The following NTF3 variants were observed in gnomAD, a reference collection of about 807,000 sequenced individuals.
NTF3 encodes neurotrophin-3.
In NTF3, 8 loss-of-function variants were observed where a neutral mutation model predicts 26.3. The ratio of observed to expected loss-of-function variants is 0.30; its 90% CI spans 0.18 to 0.55. NTF3 has a LOEUF of 0.55. NTF3 is among the 20% of genes least tolerant of loss of function. The pLI, the probability that NTF3 is intolerant of heterozygous loss-of-function variation, is 0.93. For missense variants in NTF3, 276 were observed against 352.9 expected (o/e 0.78, Z 1.75); for synonymous variants, 154 against 145.5 (o/e 1.06, Z -0.42).
chr12:5,449,766 A>G (rs1940350630), intron 1 of NTF3, among the ~76,000 whole-genome samples: 1 of 152,254 alleles, frequency 6.6e-6, no homozygotes, highest in African/African-American at 2.4e-5. Flanking sequence ...AAACCCCAGG[A>G]TAATCCATCT....
At chr12:5,464,171 C>T (rs532542729) in intron 1 of NTF3, among the ~76,000 whole-genome samples, 1 of 152,272 alleles carries the variant, frequency 6.6e-6, no homozygotes, top group South Asian at 2.1e-4. Context: ...TATTGCAGGA[C>T]CACCAACTTG....
At chr12:5,463,236 T>C (rs1211327533) in intron 1 of NTF3, among the ~76,000 whole-genome samples, 1 of 152,204 alleles carries the variant, frequency 6.6e-6, no homozygotes, top group African/African-American at 2.4e-5. Context: ...CATCCTGAGA[T>C]ACTAGTGACT....
chr12:5,445,494 C>T (rs1940294435), intron 1 of NTF3, among the ~76,000 whole-genome samples: 1 of 152,118 alleles, frequency 6.6e-6, no homozygotes. Flanking sequence ...GGCATGCCAT[C>T]CAGTTGCTTG....
At chr12:5,472,962 G>A (rs1940682981) in intron 1 of NTF3, among the ~76,000 whole-genome samples, 1 of 152,092 alleles carries the variant, frequency 6.6e-6, no homozygotes, top group South Asian at 2.1e-4. Flanking sequence ...TTTGGGCCAG[G>A]AGAGCACTTT....
chr12:5,476,535 A>T (rs1940726844), intron 1 of NTF3, among the ~76,000 whole-genome samples: 1 of 152,160 alleles, frequency 6.6e-6, no homozygotes, highest in South Asian at 2.1e-4. Context: ...CTGCTGGGAG[A>T]ATAGATGTAT....
At chr12:5,493,713 G>A (rs1042951768) in intron 1 of NTF3, among the ~76,000 whole-genome samples, 23 of 152,180 alleles carry the variant, frequency 1.5e-4, no homozygotes, top group African/African-American at 4.6e-4. Context: ...CTCAGCCTCA[G>A]TGTGTTCCAG....
intron 1 of NTF3, among the ~76,000 whole-genome samples, chr12:5,488,293 G>A (rs1224115856): frequency 1.3e-5 from 2 of 152,216 alleles, no homozygotes; most frequent in African/African-American, 4.8e-5. Flanking sequence ...CCCCACGGGT[G>A]CTTCAGCCTA....
intron 1 of NTF3, among the ~76,000 whole-genome samples, chr12:5,442,169 G>A (rs1408262644): frequency 6.6e-6 from 1 of 152,180 alleles, no homozygotes; most frequent in African/African-American, 2.4e-5. Flanking sequence ...GGGAGAACAA[G>A]GGAAGCAAGG....
chr12:5,459,697 G>A (rs1213087892), intron 1 of NTF3, among the ~76,000 whole-genome samples: 2 of 152,252 alleles, frequency 1.3e-5, no homozygotes, highest in East Asian at 3.9e-4. Context: ...CTGTGGCTGT[G>A]GTTTCCCGGA....
intron 1 of NTF3, among the ~76,000 whole-genome samples, chr12:5,443,813 T>G (rs1398165946): frequency 6.6e-6 from 1 of 152,074 alleles, no homozygotes; most frequent in Non-Finnish European, 1.5e-5. Context: ...ACCTCCAGGG[T>G]GTTTATTGCA....
intron 1 of NTF3, among the ~76,000 whole-genome samples, chr12:5,440,340 T>C (rs1489767327): frequency 1.3e-5 from 2 of 152,192 alleles, no homozygotes; most frequent in East Asian, 3.9e-4. Flanking sequence ...TATATAGCCT[T>C]TTAAAAACTG....
At chr12:5,432,474 C>T in intron 1 of NTF3, 132 bp downstream of exon 1, 2 of 1,056,796 alleles carry the variant, frequency 1.9e-6, no homozygotes, top group Non-Finnish European at 2.8e-6. Flanking sequence ...GCGCCGCGCT[C>T]ACTCACTTTC....
chr12:5,490,956 C>T (rs1039066555), intron 1 of NTF3, among the ~76,000 whole-genome samples: 1 of 152,242 alleles, frequency 6.6e-6, no homozygotes, highest in Non-Finnish European at 1.5e-5. Context: ...GGCCATTCAG[C>T]TTCATGTTCT....
intron 1 of NTF3, among the ~76,000 whole-genome samples, chr12:5,449,793 T>G (rs1940351013): frequency 6.6e-6 from 1 of 152,222 alleles, no homozygotes; most frequent in African/African-American, 2.4e-5. Flanking sequence ...AGTCCTGCAT[T>G]TAGTCACTTA....
At chr12:5,481,316 TC>T (rs1165766897) in intron 1 of NTF3, among the ~76,000 whole-genome samples, 1 of 151,676 alleles carries the variant, frequency 6.6e-6, no homozygotes, top group Non-Finnish European at 1.5e-5. Flanking sequence ...TTTTGGCATC[TC>T]CCCTTCTCAG....
At chr12:5,488,093 G>A (rs1940889439) in intron 1 of NTF3, among the ~76,000 whole-genome samples, 1 of 152,164 alleles carries the variant, frequency 6.6e-6, no homozygotes, top group African/African-American at 2.4e-5. Context: ...AGGTGCCGTG[G>A]AAACCCACAC....
intron 1 of NTF3, among the ~76,000 whole-genome samples, chr12:5,460,521 C>A (rs1445398323): frequency 1.3e-5 from 2 of 152,212 alleles, no homozygotes; most frequent in Non-Finnish European, 2.9e-5. Context: ...ACTTTGCTTT[C>A]ATCCTTTTAT....
At chr12:5,436,926 G>A (rs1940174928) in intron 1 of NTF3, among the ~76,000 whole-genome samples, 1 of 152,212 alleles carries the variant, frequency 6.6e-6, no homozygotes. Flanking sequence ...CATCAGCTAT[G>A]CAGACCACAG....
intron 1 of NTF3, among the ~76,000 whole-genome samples, chr12:5,451,584 A>G (rs902039769): frequency 2.0e-5 from 3 of 152,274 alleles, no homozygotes; most frequent in African/African-American, 7.2e-5. Context: ...AACAATGACC[A>G]GAAATACCTT....
Sources: gnomAD v4.1 joint callset for allele counts (sites outside exome capture counted in the v4.1 genomes callset) on GRCh38, gnomAD v4.1.1 for gene constraint, MANE v1.5 for transcripts, NCBI Gene and HGNC (gene_info 2026-07-23, HGNC 2026-07-21) for gene names.